PDE1C: variants seen among roughly 807,000 people sequenced by gnomAD.
PDE1C encodes the protein phosphodiesterase 1C, also known as dual specificity calcium/calmodulin-dependent 3',5'-cyclic nucleotide phosphodiesterase 1C.
In PDE1C, 62 loss-of-function variants were observed where a neutral mutation model predicts 93.1. The observed-to-expected ratio is 0.67, with a 90% CI of 0.54 to 0.82. The LOEUF (loss-of-function observed/expected upper bound fraction) is 0.82. PDE1C is among the 40% of genes least tolerant of loss of function. PDE1C has a pLI of 0.00. For missense variants in PDE1C, 742 were observed against 884.6 expected (o/e 0.84, Z 2.04); for synonymous variants, 325 against 310.1 (o/e 1.05, Z -0.50).
chr7:32,361,224 G>A lies in PDE1C; in HGVS notation c.310+66598C>T, dbSNP rs1441442503. 5.9e-5 allele frequency among the ~76,000 whole-genome samples: 9 copies of A among 152,200 alleles called. No individual in the cohort carries two copies. In the East Asian group the frequency reaches 1.7e-3, roughly 29 times the overall value. ...GGAGCTCAAGCAGGCATCCAGCTGA[G>A]TTCTGCCTCCAGGTCCTATCTGCAG... On this transcript the variant is annotated intron_variant, in intron 1 of 1. Coordinates refer to the PDE1C transcript ENST00000672256.
In PDE1C at chr7:31,873,354, G is replaced by A. The variant is rs1322458897; in HGVS notation, c.547C>T (p.His183Tyr). The A allele has an allele frequency of 6.2e-7, 1 of 1,613,810 alleles. No homozygotes were observed. The highest frequency in any genetic ancestry group is 8.5e-7 in the Non-Finnish European group (1 of 1,179,766). ...TCATAGAAAATAAATTTCAGTGCAT[G>A]ATCCCCACTGGCCTCATTGAGGGAA... The part of the protein sequence containing the change: ...VFSLNEASGD[H>Y]ALKFIFYELL... The change falls in exon 6 of 18, where the codon CAT (histidine) becomes TAT (tyrosine). Residue 183 changes from histidine to tyrosine, a missense_variant. His to Tyr is a moderately conservative substitution (Grantham distance 83). Coordinates refer to ENST00000396191, the MANE Select transcript of PDE1C (RefSeq NM_001191057.4).
At chr7:32,098,461 C>A (rs983044176) in intron 3 of PDE1C, among the ~76,000 whole-genome samples, 1 of 152,046 alleles carries the variant, frequency 6.6e-6, no homozygotes, top group Admixed American at 6.5e-5. Context: ...GATCTTAACA[C>A]AATCCCTGCT....
chr7:32,141,416 T>C (rs1454806818), intron 3 of PDE1C, among the ~76,000 whole-genome samples: 1 of 151,832 alleles, frequency 6.6e-6, no homozygotes, highest in Non-Finnish European at 1.5e-5. Context: ...AAACACTACC[T>C]TAATTAAGTG....
At chr7:32,396,861 G>A (rs1179446154) in intron 1 of PDE1C, among the ~76,000 whole-genome samples, 1 of 152,160 alleles carries the variant, frequency 6.6e-6, no homozygotes, top group Non-Finnish European at 1.5e-5. Context: ...GATACAGGTG[G>A]TATCTCAAAT....
chr7:31,828,424 C>T (rs768166586), intron 11 of PDE1C, 51 bp from the exon 12 acceptor site: 2 of 1,464,250 alleles, frequency 1.4e-6, no homozygotes, highest in African/African-American at 1.4e-5. Context: ...GCTGGGTCAC[C>T]CAGATTTCAT....
At chr7:31,621,161 GAACCA>G in the PDE1C span, among the ~76,000 whole-genome samples, 45 of 150,826 alleles carry the variant, frequency 3.0e-4, no homozygotes, top group Middle Eastern at 3.4e-3. Context: ...GGGGAGAATG[GAACCA>G]AACTGGAAAA....
intron 17 of PDE1C, among the ~76,000 whole-genome samples, chr7:31,770,575 G>A (rs905951936): frequency 6.6e-6 from 1 of 152,058 alleles, no homozygotes; most frequent in Non-Finnish European, 1.5e-5. Context: ...GCAGTGACAT[G>A]ATCTTGGCTC....
intron 3 of PDE1C, among the ~76,000 whole-genome samples, chr7:32,162,977 C>A (rs750752563): frequency 3.3e-5 from 5 of 152,264 alleles, no homozygotes; most frequent in Middle Eastern, 3.4e-3. Context: ...TAAATATTGC[C>A]TTTATGTGAA....
chr7:32,148,725 C>T (rs985719669), intron 3 of PDE1C, among the ~76,000 whole-genome samples: 1 of 152,124 alleles, frequency 6.6e-6, no homozygotes. Context: ...TACTCACTGC[C>T]GTATCCCCAG....
intron 1 of PDE1C, among the ~76,000 whole-genome samples, chr7:32,062,666 G>A (rs1376159750): frequency 3.9e-5 from 6 of 152,084 alleles, no homozygotes; most frequent in Non-Finnish European, 8.8e-5. Context: ...TGCAGCACTC[G>A]TCACAGCAGG....
intron 15 of PDE1C, among the ~76,000 whole-genome samples, chr7:31,810,902 A>C (rs1276965266): frequency 6.6e-6 from 1 of 152,170 alleles, no homozygotes; most frequent in Non-Finnish European, 1.5e-5. Context: ...TGGGGGCTGT[A>C]ATATATTCTA....
rs202221549 is a variant in PDE1C at position 32,376,548 on chromosome 7, C to T, written c.310+51274G>A. Among the ~76,000 whole-genome samples the T allele has an allele frequency of 1.6e-4, 24 of 152,346 alleles. No individual in the cohort carries two copies. The East Asian group carries it at 4.4e-3, about 28-fold the overall frequency. On this transcript the variant is annotated intron_variant, in intron 1 of 1. Transcript: ENST00000672256. ...TAGATCCACCAGGCCAGAGACTCCT[C>T]TACCTTTTCTCTCCCCTTAAGCTCG...
At chr7:32,014,118 A>G (rs1293799197) in intron 2 of PDE1C, among the ~76,000 whole-genome samples, 1 of 152,216 alleles carries the variant, frequency 6.6e-6, no homozygotes, top group African/African-American at 2.4e-5. Context: ...CCTTCACAAT[A>G]TGTAGCTGAA....
intron 7 of PDE1C, chr7:31,851,005 G>T (rs1793257610): frequency 2.7e-6 from 1 of 366,356 alleles, no homozygotes; most frequent in East Asian, 5.7e-5. Flanking sequence ...TGAACATGAA[G>T]ACTTGAAAAG....
At position 31,795,389 on chromosome 7, in the gene PDE1C, A is replaced by G. The variant is rs1785161814; in HGVS notation, c.1891+13642T>C. ...AAATATTTATTTCATGATTACTAAG[A>G]AGCTTTATTTTAAACATCTTGAACA... is the stretch of plus-strand genomic sequence containing the variant. On this transcript the variant is annotated intron_variant, in intron 16 of 17. Coordinates refer to ENST00000396191, the MANE Select transcript of PDE1C (RefSeq NM_001191057.4). Among the ~76,000 whole-genome samples the G allele has an allele frequency of 3.9e-5, 6 of 151,994 alleles. No homozygotes were observed. In the South Asian group the frequency reaches 1.2e-3, roughly 32 times the overall value.
chr7:31,878,993 T>C lies in PDE1C; in HGVS notation c.425+3A>G. On this transcript the variant is annotated splice_donor_region_variant and intron_variant, in intron 4 of 17. Transcript: ENST00000396191. ...ACTAAATGACAATGAATGACATCTT[T>C]ACCTCTCCACAAATATCCCAGCCTG... is the stretch of plus-strand genomic sequence containing the variant. 1 of 1,613,124 alleles carries C rather than the reference T, an allele frequency of 6.2e-7. No homozygotes were observed. The highest frequency in any genetic ancestry group is 8.5e-7 in the Non-Finnish European group (1 of 1,179,140).
chr7:31,617,374 C>G, the PDE1C span, among the ~76,000 whole-genome samples: 2 of 152,070 alleles, frequency 1.3e-5, no homozygotes, highest in Non-Finnish European at 2.9e-5. Flanking sequence ...TATCATACCT[C>G]TATGTAGTAT....
At chr7:32,399,581 C>CTTTTTTTT (rs34748013) in intron 1 of PDE1C, among the ~76,000 whole-genome samples, 17 of 117,532 alleles carry the variant, frequency 1.4e-4, no homozygotes, top group African/African-American at 4.9e-4. Flanking sequence ...CTTCATTTAA[C>CTTTTTTTT]TTTTTTTTTT....
intron 17 of PDE1C, among the ~76,000 whole-genome samples, chr7:31,770,679 T>C (rs1795428429): frequency 6.6e-6 from 1 of 152,110 alleles, no homozygotes; most frequent in African/African-American, 2.4e-5. Context: ...CCCGGCTAAT[T>C]TTTGTATTTT....
Sources: gnomAD v4.1 joint callset for allele counts (sites outside exome capture counted in the v4.1 genomes callset) on GRCh38, gnomAD v4.1.1 for gene constraint, MANE v1.5 for transcripts, NCBI Gene and HGNC (gene_info 2026-07-23, HGNC 2026-07-21) for gene names.